The following TLN2 variants were observed in gnomAD, a reference collection of about 807,000 sequenced individuals.
The protein encoded by TLN2 is talin 2, also known as talin-2.
TLN2 carries 118 observed loss-of-function variants against 294.7 expected under a neutral mutation model. The observed-to-expected ratio is 0.40, with a 90% CI of 0.34 to 0.47. The LOEUF (loss-of-function observed/expected upper bound fraction) is 0.47. TLN2 is among the 20% of genes least tolerant of loss of function. The pLI, the probability that TLN2 is intolerant of heterozygous loss-of-function variation, is 0.84. For missense variants in TLN2, 3,083 were observed against 3,282.2 expected (o/e 0.94, Z 1.48); for synonymous variants, 1,431 against 1,304.5 (o/e 1.10, Z -2.09).
At chr15:62,533,208 T>A (rs2041146773) in intron 1 of TLN2, among the ~76,000 whole-genome samples, 1 of 140,036 alleles carries the variant, frequency 7.1e-6, no homozygotes, top group African/African-American at 2.7e-5. Context: ...GAGCCGAGAT[T>A]GTACCATTGC....
At chr15:62,619,127 G>A (rs980510528) in intron 3 of TLN2, among the ~76,000 whole-genome samples, 2 of 151,934 alleles carry the variant, frequency 1.3e-5, no homozygotes, top group Non-Finnish European at 2.9e-5. Flanking sequence ...ATCTAGGTTT[G>A]TTTGTTTTTT....
intron 1 of TLN2, among the ~76,000 whole-genome samples, chr15:62,395,359 C>T (rs1053036068): frequency 3.3e-5 from 5 of 151,912 alleles, no homozygotes; most frequent in Admixed American, 2.0e-4. Context: ...CTCTTCTCAC[C>T]TTCTCTAGTG....
chr15:62,796,402 T>C, intron 47 of TLN2, 109 bp downstream of exon 47: 1 of 1,315,784 alleles, frequency 7.6e-7, no homozygotes, highest in Non-Finnish European at 1.0e-6. Context: ...TCTGTTTTGA[T>C]TTCAACAAGA....
chr15:62,428,344 C>T (rs1364593538), intron 1 of TLN2, among the ~76,000 whole-genome samples: 1 of 152,156 alleles, frequency 6.6e-6, no homozygotes, highest in East Asian at 1.9e-4. Flanking sequence ...CAACTAGAAG[C>T]TTATTTTGTT....
At chr15:62,447,651 G>A (rs775154088) in intron 1 of TLN2, among the ~76,000 whole-genome samples, 11 of 151,978 alleles carry the variant, frequency 7.2e-5, no homozygotes, top group Non-Finnish European at 1.3e-4. Context: ...CCGCCACCAC[G>A]CCCGGCTAAT....
intron 1 of TLN2, among the ~76,000 whole-genome samples, chr15:62,586,241 A>G (rs2045600579): frequency 1.3e-5 from 2 of 152,330 alleles, no homozygotes; most frequent in Middle Eastern, 3.4e-3. Flanking sequence ...TGTTGTGGGA[A>G]GGGGTGTGTT....
chr15:62,659,892 A>C lies in TLN2; in HGVS notation c.788+1994A>C, dbSNP rs576306045. 9.8e-5 allele frequency among the ~76,000 whole-genome samples: 15 copies of C among 152,318 alleles called. No individual in the cohort carries two copies. The South Asian group carries it at 2.9e-3, about 29-fold the overall frequency. On this transcript the variant is annotated intron_variant, in intron 9 of 58. Transcript: ENST00000636159. Reference sequence around the variant, plus strand: ...TTCTTGAGGATATAAGTCCCTTCTTAATTAAAACAAAACAGCGAGGCCACA... The same window carrying C: ...TTCTTGAGGATATAAGTCCCTTCTTCATTAAAACAAAACAGCGAGGCCACA...
chr15:62,653,408 T>A, intron 7 of TLN2, 94 bp downstream of exon 7: 1 of 1,394,554 alleles, frequency 7.2e-7, no homozygotes, highest in Non-Finnish European at 9.4e-7. Flanking sequence ...ACAGGACTTT[T>A]GATTTTTGTT....
chr15:62,638,411 C>T, intron 3 of TLN2: 1 of 410,864 alleles, frequency 2.4e-6, no homozygotes, highest in Non-Finnish European at 4.8e-6. Flanking sequence ...TTATGACCAA[C>T]AATATACTTA....
chr15:62,747,104 A>T (rs947044385), intron 32 of TLN2, among the ~76,000 whole-genome samples: 1 of 152,216 alleles, frequency 6.6e-6, no homozygotes, highest in Non-Finnish European at 1.5e-5. Flanking sequence ...ACTATGAGCT[A>T]TATCTTATAC....
intron 32 of TLN2, among the ~76,000 whole-genome samples, chr15:62,742,790 C>T (rs1251716122): frequency 6.6e-6 from 1 of 152,148 alleles, no homozygotes; most frequent in Admixed American, 6.5e-5. Flanking sequence ...GCACATTCTC[C>T]TTGGTTTTTT....
At chr15:62,814,586 T>C (rs2066946405) in intron 52 of TLN2, among the ~76,000 whole-genome samples, 1 of 152,254 alleles carries the variant, frequency 6.6e-6, no homozygotes, top group Non-Finnish European at 1.5e-5. Context: ...ATTCATTTAT[T>C]TGTTCATGTT....
chr15:62,399,167 C>A (rs1291212522), intron 1 of TLN2, among the ~76,000 whole-genome samples: 1 of 146,994 alleles, frequency 6.8e-6, no homozygotes, highest in Non-Finnish European at 1.5e-5. Context: ...GGTTTGGGAA[C>A]CTCTGCCTAG....
intron 55 of TLN2, 26 bp downstream of exon 55, chr15:62,833,655 G>A (rs570039557): frequency 4.7e-5 from 76 of 1,610,796 alleles, no homozygotes; most frequent in Middle Eastern, 1.7e-4. Flanking sequence ...GACCACATGC[G>A]GGACACTCAA....
intron 45 of TLN2, among the ~76,000 whole-genome samples, chr15:62,790,021 G>C (rs2064967142): frequency 6.6e-6 from 1 of 152,118 alleles, no homozygotes; most frequent in Non-Finnish European, 1.5e-5. Flanking sequence ...CTGATCTCAG[G>C]CTGCTGCTGC....
rs920810713 is a variant in TLN2, at chr15:62,754,053, T to A, written c.4476+137T>A. 1.2e-5 allele frequency: 15 copies of A among 1,214,766 alleles called. No individual in the cohort carries two copies. In the African/African-American group the frequency reaches 2.2e-4, roughly 18 times the overall value. 75.2% of individuals were successfully genotyped at this position (1,214,766 alleles called of 1,614,324 possible). A position where few individuals can be genotyped will look rare whatever the true frequency, so the allele number is the denominator to read the frequency against. On this transcript the variant is annotated intron_variant, in intron 36 of 58. Transcript: ENST00000636159. ...GGTAGCTAAATGCCAGCATTGTAGA[T>A]AATGACTCAGGTGGGAGCAAATATT...
intron 1 of TLN2, among the ~76,000 whole-genome samples, chr15:62,529,285 A>G (rs987547615): frequency 1.2e-4 from 18 of 151,992 alleles, no homozygotes; most frequent in African/African-American, 4.3e-4. Flanking sequence ...TTTTGTAGAG[A>G]CCGGGTCTGT....
intron 47 of TLN2, 54 bp from the exon 48 acceptor site, chr15:62,797,165 T>C (rs547916730): frequency 6.3e-7 from 1 of 1,597,658 alleles, no homozygotes; most frequent in African/African-American, 1.3e-5. Context: ...CTTGAAGTAA[T>C]CAAGCTTTGC....
At position 62,667,264 on chromosome 15, in the gene TLN2, C is replaced by T. The variant is rs184517986; in HGVS notation, c.789-6563C>T. On this transcript the variant is annotated intron_variant, in intron 9 of 58. Transcript: ENST00000636159. ...TACAGGCGTGAGCCACCGTGCCTGG[C>T]GAACACTGGCATTTCTGTCACATTC... Among the ~76,000 whole-genome samples, 295 of 152,202 alleles carry T rather than the reference C, an allele frequency of 1.9e-3. 1 individual carries two copies. The highest frequency in any genetic ancestry group is 6.9e-3 in the African/African-American group (286 of 41,516).
Sources: allele counts gnomAD v4.1 joint callset (sites outside exome capture counted in the v4.1 genomes callset), GRCh38; gene constraint gnomAD v4.1.1; transcripts MANE v1.5; gene names NCBI Gene and HGNC (gene_info 2026-07-23, HGNC 2026-07-21).